The following EMC1 variants were observed in gnomAD, a reference collection of about 807,000 sequenced individuals.
EMC1 encodes the protein ER membrane protein complex subunit 1.
EMC1 carries 103 observed loss-of-function variants against 128.8 expected under a neutral mutation model. The ratio of observed to expected loss-of-function variants is 0.80; its 90% CI spans 0.68 to 0.94. The LOEUF (loss-of-function observed/expected upper bound fraction) is 0.94. EMC1 is among the 40% of genes least tolerant of loss of function. The pLI is 0.00. For missense variants in EMC1, 1,083 were observed against 1,250.6 expected (o/e 0.87, Z 2.02); for synonymous variants, 442 against 490.4 (o/e 0.90, Z 1.30).
In EMC1 at chr1:19,244,931, T is replaced by C. The variant is rs745712862; in HGVS notation, c.195A>G (p.Ala65=). Reference sequence around the variant, plus strand: ...AGATCTCCCCAGTTCGGGAATTTAATGCTGCAATCACATTCTTCTCTGTGG... The same window carrying C: ...AGATCTCCCCAGTTCGGGAATTTAACGCTGCAATCACATTCTTCTCTGTGG... ...VVATEKNVIA[A]LNSRTGEILW... is the part of the protein sequence containing the mutation. The change falls in exon 2 of 23, where the codon GCA becomes GCG. Residue 65 remains alanine, a synonymous_variant. Transcript: ENST00000477853. The C allele has an allele frequency of 4.3e-6, 7 of 1,613,936 alleles. No homozygotes were observed. The highest frequency in any genetic ancestry group is 5.9e-6 in the Non-Finnish European group (7 of 1,179,850).
Position 19,233,207 on chromosome 1 carries a change from TGAGGGA to T in EMC1, c.1433-78_1433-73del, listed in dbSNP as rs2093537754. The T allele has an allele frequency of 2.2e-6, 3 of 1,341,298 alleles. No individual in the cohort carries two copies. The Admixed American group carries it at 5.9e-5, about 26-fold the overall frequency. The allele number at this position is 1,341,298 out of a possible 1,614,324, so 83.1% of individuals were successfully genotyped here. A position where few individuals can be genotyped will look rare whatever the true frequency, so the allele number is the denominator to read the frequency against. On this transcript the variant is annotated intron_variant, in intron 13 of 22. Transcript: ENST00000477853. ...ATAAGGAGGTACATGATTTTCCTAA[TGAGGGA>T]TCTCTGCCTCTCCTCTGGAGCAATA...
At chr1:19,239,154 G>T in intron 9 of EMC1, 77 bp downstream of exon 9, 1 of 1,386,180 alleles carries the variant, frequency 7.2e-7, no homozygotes, top group South Asian at 1.2e-5. Context: ...AATGTGCCCA[G>T]ACTTCTGATT....
intron 17 of EMC1, among the ~76,000 whole-genome samples, chr1:19,230,470 T>C (rs7552991): frequency 6.6e-6 from 1 of 152,050 alleles, no homozygotes; most frequent in Non-Finnish European, 1.5e-5. Context: ...CTTGGGTGTC[T>C]GAGGCAGGAG....
At chr1:19,221,635 CAAAAAAAAAA>C (rs34802728) in intron 20 of EMC1, 1 of 66,216 alleles carries the variant, frequency 1.5e-5, no homozygotes. Flanking sequence ...GACTCTGTCT[CAAAAAAAAAA>C]AAAAAAAAGC....
At chr1:19,228,167 T>C (rs2093491235) in intron 17 of EMC1, among the ~76,000 whole-genome samples, 1 of 143,392 alleles carries the variant, frequency 7.0e-6, no homozygotes, top group Non-Finnish European at 1.5e-5. Flanking sequence ...ACTGCACCAT[T>C]GCACTCCAGC....
At chr1:19,240,963 T>A in intron 6 of EMC1, 53 bp downstream of exon 6, 3 of 1,591,644 alleles carry the variant, frequency 1.9e-6, no homozygotes, top group Non-Finnish European at 2.6e-6. Context: ...AAGAAATCTA[T>A]CAAGTCTCCC....
chr1:19,219,307 C>T lies in EMC1; in HGVS notation c.2978G>A (p.Arg993Gln), dbSNP rs141380621. 6.3e-5 allele frequency: 101 copies of T among 1,613,942 alleles called. No homozygotes were observed. The highest frequency in any genetic ancestry group is 8.2e-5 in the Non-Finnish European group (97 of 1,180,020). The change falls in exon 23 of 23, where the codon CGA becomes CAA. Residue 993 changes from arginine to glutamine, a missense_variant. This residue lies in a region of EMC1 where 527 missense variants were observed against 644.1 expected (regional missense o/e 0.82). Transcript: ENST00000477853. The part of the protein sequence containing the change: ...AQVKLLNRAW[R>Q] Reference sequence around the variant, plus strand: ...TTTAGGCACAGTCTTTGTTCTTTATCGCCAGGCCCGATTCAGGAGCTTCAC... The same window carrying T: ...TTTAGGCACAGTCTTTGTTCTTTATTGCCAGGCCCGATTCAGGAGCTTCAC...
In EMC1 at chr1:19,244,890, T is replaced by A. The variant is rs2093624961; in HGVS notation, c.220+16A>T. 1 of 1,613,108 alleles carries A rather than the reference T, an allele frequency of 6.2e-7. No homozygotes were observed. Among genetic ancestry groups the A allele is most frequent in the East Asian group, 2.2e-5 (1 of 44,858 alleles). On this transcript the variant is annotated intron_variant, in intron 2 of 22. Transcript: ENST00000477853. ...TCCCTGAGGCAGCCAGTAGACACAG[T>A]TCTCAGTTCACTCACAGATCTCCCC...
At chr1:19,242,015 G>A (rs935707629) in intron 5 of EMC1, among the ~76,000 whole-genome samples, 2 of 152,162 alleles carry the variant, frequency 1.3e-5, no homozygotes, top group Admixed American at 1.3e-4. Context: ...GAAAGGCTCA[G>A]TCAGAACTAG....
intron 13 of EMC1, among the ~76,000 whole-genome samples, chr1:19,234,715 G>A (rs768452695): frequency 5.9e-5 from 9 of 152,068 alleles, no homozygotes; most frequent in East Asian, 1.9e-4. Flanking sequence ...GCATGGTGGC[G>A]CATGCCTGTA....
chr1:19,220,496 A>C, intron 21 of EMC1: 1 of 273,500 alleles, frequency 3.7e-6, no homozygotes, highest in East Asian at 6.2e-5. Context: ...CCCCATCCCC[A>C]CTTCCTAGCT....
chr1:19,239,352 G>C, intron 8 of EMC1, 50 bp from the exon 9 acceptor site: 1 of 1,536,540 alleles, frequency 6.5e-7, no homozygotes, highest in Admixed American at 1.7e-5. Context: ...GTACTAGCCA[G>C]CTGCCTTACA....
Position 19,241,089 on chromosome 1 carries a change from G to A in EMC1, c.563C>T (p.Ala188Val). 1 of 1,614,068 alleles carries A rather than the reference G, an allele frequency of 6.2e-7. No individual in the cohort carries two copies. The highest frequency in any genetic ancestry group is 1.3e-5 in the African/African-American group (1 of 75,008). The change falls in exon 6 of 23, where the codon GCC becomes GTC. Residue 188 changes from alanine to valine, a missense_variant. Coordinates refer to ENST00000477853, the MANE Select transcript of EMC1 (RefSeq NM_015047.3). Reference protein sequence around the residue: ...VYSYGSGVVWALGVVPFSHVN... With the variant: ...VYSYGSGVVWVLGVVPFSHVN... The stretch of plus-strand genomic sequence containing the variant: ...ATGGCTGAAGGGAACAACTCCGAGG[G>A]CCCACACCACCCCAGAGCCGTAAGA...
In EMC1 at chr1:19,239,366, G is replaced by A. The variant is rs2093589524; in HGVS notation, c.955-64C>T. 4.9e-6 allele frequency: 7 copies of A among 1,431,676 alleles called. No homozygotes were observed. In the South Asian group the frequency reaches 8.1e-5, roughly 16 times the overall value. The allele number at this position is 1,431,676 out of a possible 1,614,324, so 88.7% of individuals were successfully genotyped here. On this transcript the variant is annotated intron_variant, in intron 8 of 22. Transcript: ENST00000477853. ...AGTACTAGCCAGCTGCCTTACAGAG[G>A]GTCACCTCTCCAGGGAAGGCCCTTG...
rs1238076293 is a variant in EMC1 at position 19,222,772 on chromosome 1, G to A, written c.2439C>T (p.Gly813=). The change falls in exon 20 of 23, where the codon GGC becomes GGT. Residue 813 remains glycine (G), a synonymous_variant. Transcript: ENST00000477853. ...NEFTVLELYE[G]TEQYNATAFS... ...AGGCGGTGGCGTTGTATTGCTCAGT[G>A]CCCTCATAGAGCTCCAGTACGGTAA... 6.2e-7 allele frequency: 1 copy of A among 1,614,112 alleles called. No homozygotes were observed. The highest frequency in any genetic ancestry group is 8.5e-7 in the Non-Finnish European group (1 of 1,179,998).
In EMC1 at chr1:19,232,539, T is replaced by G; in HGVS notation, c.1782+85A>C. On this transcript the variant is annotated intron_variant, in intron 15 of 22. Coordinates refer to ENST00000477853, the MANE Select transcript of EMC1 (RefSeq NM_015047.3). ...GAATGTTCCTCATTAACTCACACAATTCCAAGGGCCTAGGAGCAATTTAAG... is the reference window on the plus strand; with the variant it reads ...GAATGTTCCTCATTAACTCACACAAGTCCAAGGGCCTAGGAGCAATTTAAG... 7 of 1,488,934 alleles carry G rather than the reference T, an allele frequency of 4.7e-6. No homozygotes were observed. In the South Asian group the frequency reaches 8.1e-5, roughly 17 times the overall value. 92.2% of individuals were successfully genotyped at this position (1,488,934 alleles called of 1,614,324 possible).
chr1:19,239,724 A>G (rs2093592121), intron 8 of EMC1, 94 bp downstream of exon 8: 2 of 1,354,056 alleles, frequency 1.5e-6, no homozygotes, highest in African/African-American at 1.5e-5. Flanking sequence ...TGGGCCTAAG[A>G]GCAAACGTTT....
intron 13 of EMC1, among the ~76,000 whole-genome samples, chr1:19,234,833 G>A (rs547284987): frequency 6.9e-4 from 104 of 151,730 alleles, no homozygotes; most frequent in African/African-American, 2.3e-3. Flanking sequence ...GTGACAGAGC[G>A]AGACTCTTGT....
intron 18 of EMC1, among the ~76,000 whole-genome samples, chr1:19,226,233 CACTA>C (rs2093472195): frequency 6.6e-6 from 1 of 152,176 alleles, no homozygotes; most frequent in Non-Finnish European, 1.5e-5. Flanking sequence ...CTCTCTTTAA[CACTA>C]ACTAGAGTGT....
Sources: allele counts gnomAD v4.1 joint callset (sites outside exome capture counted in the v4.1 genomes callset), GRCh38; gene constraint gnomAD v4.1.1; regional missense constraint gnomAD v4.1.1; transcripts MANE v1.5; gene names NCBI Gene and HGNC (gene_info 2026-07-23, HGNC 2026-07-21).